The following FNDC3A variants were observed in gnomAD, a reference collection of about 807,000 sequenced individuals.
The protein encoded by FNDC3A is fibronectin type-III domain-containing protein 3A.
A neutral mutation model predicts 148.9 loss-of-function variants in FNDC3A; 32 were observed. The observed-to-expected ratio is 0.21, with a 90% CI of 0.16 to 0.29. The LOEUF (loss-of-function observed/expected upper bound fraction) is 0.29. FNDC3A is among the 10% of genes least tolerant of loss of function. FNDC3A has a pLI of 1.00. For missense variants in FNDC3A, 1,191 were observed against 1,452.8 expected, an observed-to-expected ratio of 0.82 and a Z score of 2.93; for synonymous variants, 472 against 473.6, an observed-to-expected ratio of 1.00 and a Z score of 0.04.
intron 3 of FNDC3A, chr13:49,095,446 T>G (rs945110558): frequency 6.6e-6 from 1 of 152,004 alleles, no homozygotes; most frequent in Admixed American, 6.6e-5. Context: ...CGTTATGGAT[T>G]TCTTTGTTTC....
chr13:49,091,967 C>T (rs1879220949), intron 3 of FNDC3A, among the ~76,000 whole-genome samples: 1 of 152,232 alleles, frequency 6.6e-6, no homozygotes. Flanking sequence ...TCAGTTTCCA[C>T]CAAAGCCCAG....
At chr13:49,043,666 A>AT (rs1165843371) in intron 2 of FNDC3A, among the ~76,000 whole-genome samples, 7 of 150,092 alleles carry the variant, frequency 4.7e-5, no homozygotes, top group Admixed American at 2.0e-4. Flanking sequence ...AACTTTGGCC[A>AT]TTTTTTTTTC....
intron 23 of FNDC3A, among the ~76,000 whole-genome samples, chr13:49,200,292 C>T (rs1352165567): frequency 6.6e-6 from 1 of 152,088 alleles, no homozygotes; most frequent in Non-Finnish European, 1.5e-5. Context: ...TTTAAAATAA[C>T]ATATGGAATA....
At chr13:49,138,662 T>G in intron 6 of FNDC3A, 85 bp from the exon 7 acceptor site, 1 of 632,400 alleles carries the variant, frequency 1.6e-6, no homozygotes, top group Non-Finnish European at 2.7e-6. Context: ...AATACCAACC[T>G]AGTTTCAGAA....
chr13:49,093,544 A>G (rs931296959), intron 3 of FNDC3A, among the ~76,000 whole-genome samples: 15 of 152,152 alleles, frequency 9.9e-5, no homozygotes. Context: ...AAATTGAGAC[A>G]CAGGTTAATA....
intron 4 of FNDC3A, among the ~76,000 whole-genome samples, chr13:49,123,245 G>A (rs1338503850): frequency 6.6e-6 from 1 of 152,082 alleles, no homozygotes; most frequent in African/African-American, 2.4e-5. Context: ...CAACCAATGG[G>A]GAAAGGATTC....
At chr13:49,194,859 G>T (rs1271986252) in intron 19 of FNDC3A, among the ~76,000 whole-genome samples, 1 of 151,756 alleles carries the variant, frequency 6.6e-6, no homozygotes, top group Non-Finnish European at 1.5e-5. Flanking sequence ...TTTATGGAAA[G>T]ATTTTTTAAA....
chr13:49,121,236 T>C (rs1881322084), intron 4 of FNDC3A, among the ~76,000 whole-genome samples: 1 of 152,200 alleles, frequency 6.6e-6, no homozygotes, highest in African/African-American at 2.4e-5. Flanking sequence ...AACCTGCTCC[T>C]GAATGAGTAC....
At chr13:49,013,810 T>A (rs12019630) in intron 2 of FNDC3A, among the ~76,000 whole-genome samples, 111 of 144,932 alleles carry the variant, frequency 7.7e-4, no homozygotes, top group Non-Finnish European at 1.5e-3. Context: ...ATGTGTTCTC[T>A]TTGTTCAATT....
intron 20 of FNDC3A, 102 bp from the exon 21 acceptor site, chr13:49,197,623 A>C: frequency 1.1e-6 from 1 of 911,558 alleles, no homozygotes; most frequent in South Asian, 1.7e-5. Context: ...AGAAACTCAA[A>C]AGCAATCTAG....
intron 2 of FNDC3A, among the ~76,000 whole-genome samples, chr13:49,055,759 T>C (rs1876192084): frequency 1.3e-5 from 2 of 152,222 alleles, no homozygotes; most frequent in Non-Finnish European, 2.9e-5. Context: ...ATTTGATTGA[T>C]GTTTTATGTC....
chr13:49,013,396 C>CT, intron 2 of FNDC3A, among the ~76,000 whole-genome samples: 1 of 151,866 alleles, frequency 6.6e-6, no homozygotes, highest in Non-Finnish European at 1.5e-5. Flanking sequence ...TATTATTATA[C>CT]TTTAAGTTTT....
chr13:49,081,491 A>G (rs887244983), intron 3 of FNDC3A, among the ~76,000 whole-genome samples: 7 of 152,224 alleles, frequency 4.6e-5, no homozygotes, highest in African/African-American at 1.7e-4. Context: ...TATTCAGTAT[A>G]TATTGTGTCT....
chr13:49,143,334 A>G (rs1374384037), intron 7 of FNDC3A, among the ~76,000 whole-genome samples: 3 of 152,144 alleles, frequency 2.0e-5, no homozygotes, highest in African/African-American at 7.2e-5. Flanking sequence ...AACCAGCCCA[A>G]GCAACAATAG....
chr13:49,203,724 A>T (rs1281144448), intron 25 of FNDC3A, among the ~76,000 whole-genome samples: 2 of 152,232 alleles, frequency 1.3e-5, no homozygotes, highest in East Asian at 3.8e-4. Flanking sequence ...ACATTTCAGC[A>T]TGGCCCAGAG....
intron 5 of FNDC3A, among the ~76,000 whole-genome samples, chr13:49,132,328 A>G (rs1316419736): frequency 6.6e-6 from 1 of 152,120 alleles, no homozygotes; most frequent in Admixed American, 6.6e-5. Context: ...TGTTTAAACT[A>G]TTTCAGTGAT....
At chr13:48,984,716 C>T (rs1284486902) in intron 1 of FNDC3A, among the ~76,000 whole-genome samples, 14 of 152,184 alleles carry the variant, frequency 9.2e-5, no homozygotes, top group Admixed American at 7.2e-4. Context: ...GATGGAGTCT[C>T]GCTCTGTCAC....
At chr13:49,050,036 T>G (rs1010683830) in intron 2 of FNDC3A, among the ~76,000 whole-genome samples, 2 of 152,248 alleles carry the variant, frequency 1.3e-5, no homozygotes, top group Non-Finnish European at 2.9e-5. Context: ...CTTCTTTTCT[T>G]GGTTAATCTC....
intron 2 of FNDC3A, among the ~76,000 whole-genome samples, chr13:49,017,794 C>G (rs1439582410): frequency 6.6e-6 from 1 of 151,506 alleles, no homozygotes; most frequent in Non-Finnish European, 1.5e-5. Context: ...TAGGGCAGGC[C>G]TGGTGGTGAC....
Sources: gnomAD v4.1 joint callset for allele counts (sites outside exome capture counted in the v4.1 genomes callset) on GRCh38, gnomAD v4.1.1 for gene constraint, MANE v1.5 for transcripts, NCBI Gene and HGNC (gene_info 2026-07-23, HGNC 2026-07-21) for gene names.